DGKG: variants seen among roughly 807,000 people sequenced by gnomAD.
The protein encoded by DGKG is DAG kinase gamma.
DGKG carries 78 observed loss-of-function variants against 105.3 expected under a neutral mutation model. The ratio of observed to expected loss-of-function variants is 0.74; its 90% CI spans 0.62 to 0.89. The LOEUF is 0.89. Ranked by LOEUF, DGKG falls within the 40% of genes least tolerant of loss-of-function variation. The probability of loss-of-function intolerance (pLI) is 0.00; values close to 1 mark genes in which losing one functional copy is unlikely to be tolerated. For missense variants in DGKG, 958 were observed against 1,020.1 expected, an observed-to-expected ratio of 0.94 and a Z score of 0.83; for synonymous variants, 346 against 367.1, an observed-to-expected ratio of 0.94 and a Z score of 0.66.
At chr3:186,257,703 C>A in intron 17 of DGKG, 151 bp downstream of exon 17, 1 of 570,026 alleles carries the variant, frequency 1.8e-6, no homozygotes, top group South Asian at 2.3e-5. Context: ...TTTTTCCACC[C>A]AAAGCAAATA....
chr3:186,307,398 G>A (rs1724299895), intron 2 of DGKG, among the ~76,000 whole-genome samples: 1 of 152,048 alleles, frequency 6.6e-6, no homozygotes, highest in South Asian at 2.1e-4. Context: ...AACATATTGT[G>A]CACTCTCTCA....
At chr3:186,320,370 G>A (rs368533181) in intron 2 of DGKG, 23 bp downstream of exon 2, 3 of 1,613,936 alleles carry the variant, frequency 1.9e-6, no homozygotes, top group Admixed American at 3.3e-5. Context: ...TCCCGTCCCA[G>A]GGCTGTCAAT....
chr3:186,354,731 G>C (rs955619231), intron 1 of DGKG, among the ~76,000 whole-genome samples: 1 of 152,186 alleles, frequency 6.6e-6, no homozygotes, highest in Admixed American at 6.5e-5. Flanking sequence ...ATTCCAAGAG[G>C]AGAAATAGAT....
chr3:186,310,289 A>AAAAAAAAAAAAAAAAAAAAT (rs1724473778), intron 2 of DGKG, among the ~76,000 whole-genome samples: 1 of 136,368 alleles, frequency 7.3e-6, no homozygotes, highest in African/African-American at 2.7e-5. Flanking sequence ...AAAAAAAAAA[A>AAAAAAAAAAAAAAAAAAAAT]CCACACACAC....
intron 22 of DGKG, among the ~76,000 whole-genome samples, chr3:186,177,210 G>A (rs545259555): frequency 5.3e-5 from 8 of 152,140 alleles, no homozygotes; most frequent in South Asian, 2.1e-4. Context: ...TATTGCTCCC[G>A]GCTGAAAAAG....
chr3:186,339,631 G>C (rs116252414), intron 1 of DGKG, among the ~76,000 whole-genome samples: 4 of 152,082 alleles, frequency 2.6e-5, no homozygotes, highest in Non-Finnish European at 5.9e-5. Flanking sequence ...CCAAAATAAT[G>C]AGCCCAGCTT....
At chr3:186,180,813 A>G (rs1323850481) in intron 22 of DGKG, among the ~76,000 whole-genome samples, 1 of 152,244 alleles carries the variant, frequency 6.6e-6, no homozygotes, top group Non-Finnish European at 1.5e-5. Context: ...GCTGAATGGC[A>G]TCCCATTCCC....
chr3:186,275,241 C>A (rs146365318), intron 10 of DGKG, among the ~76,000 whole-genome samples: 151 of 152,208 alleles, frequency 9.9e-4, no homozygotes, highest in African/African-American at 3.5e-3. Flanking sequence ...TAAATATTGA[C>A]TAGAAAACCC....
intron 17 of DGKG, among the ~76,000 whole-genome samples, chr3:186,254,953 G>A (rs1176907619): frequency 6.6e-6 from 1 of 152,116 alleles, no homozygotes; most frequent in Non-Finnish European, 1.5e-5. Context: ...TGCCTCCCAC[G>A]CAACATGTCA....
At chr3:186,152,925 G>A (rs574714888) in intron 24 of DGKG, among the ~76,000 whole-genome samples, 2 of 149,444 alleles carry the variant, frequency 1.3e-5, no homozygotes, top group Non-Finnish European at 3.0e-5. Flanking sequence ...GCCTCCCAAA[G>A]TGCTGGGATT....
At chr3:186,347,306 G>C (rs1478059332) in intron 1 of DGKG, among the ~76,000 whole-genome samples, 1 of 151,834 alleles carries the variant, frequency 6.6e-6, no homozygotes, top group East Asian at 2.0e-4. Context: ...AAATTAGCCA[G>C]GCATGGTGGC....
At chr3:186,169,874 C>A (rs1215945278) in intron 22 of DGKG, among the ~76,000 whole-genome samples, 1 of 152,118 alleles carries the variant, frequency 6.6e-6, no homozygotes, top group Non-Finnish European at 1.5e-5. Flanking sequence ...ATTACTGTGC[C>A]ACAGGGTCTG....
At chr3:186,254,650 C>A (rs565962558) in intron 17 of DGKG, among the ~76,000 whole-genome samples, 3 of 152,284 alleles carry the variant, frequency 2.0e-5, no homozygotes, top group African/African-American at 4.8e-5. Context: ...GATCTCCAAG[C>A]AATCTCTTCT....
At chr3:186,202,068 T>C (rs1024522948) in intron 21 of DGKG, among the ~76,000 whole-genome samples, 1 of 152,334 alleles carries the variant, frequency 6.6e-6, no homozygotes, top group Non-Finnish European at 1.5e-5. Context: ...GAGTACTTAC[T>C]TGTTTTATGA....
chr3:186,159,514 A>G (rs1560075291), intron 24 of DGKG: 1 of 152,148 alleles, frequency 6.6e-6, no homozygotes, highest in Non-Finnish European at 1.5e-5. Flanking sequence ...TGCCATTTGC[A>G]TTTATTGCAT....
chr3:186,156,795 A>G (rs1159306570), intron 24 of DGKG, among the ~76,000 whole-genome samples: 2 of 151,616 alleles, frequency 1.3e-5, no homozygotes, highest in Non-Finnish European at 2.9e-5. Context: ...TGAATTGATT[A>G]TTGCTGGTAT....
At chr3:186,307,020 A>C (rs745361263) in intron 2 of DGKG, 43 bp from the exon 3 acceptor site, 23 of 1,371,828 alleles carry the variant, frequency 1.7e-5, no homozygotes, top group Non-Finnish European at 2.3e-5. Flanking sequence ...GCAAATAGCT[A>C]ATGGAAGCTG....
rs557368475 is a variant in DGKG at position 186,173,397 on chromosome 3, G to A, written c.2096-8379C>T. On this transcript the variant is annotated intron_variant, in intron 22 of 24. Transcript: ENST00000265022. ...AGAAGCTGACAAGCGCTGGGTGTGT[G>A]TGGGAACCTCTTAACCTCCTCAGAA... 1.8e-4 allele frequency among the ~76,000 whole-genome samples: 28 copies of A among 152,378 alleles called. No homozygotes were observed. The South Asian group carries it at 5.6e-3, about 30-fold the overall frequency.
chr3:186,160,221 C>T, intron 24 of DGKG: 2 of 985,314 alleles, frequency 2.0e-6, no homozygotes, highest in Non-Finnish European at 2.4e-6. Flanking sequence ...TGGGTGTGGG[C>T]ATAGGGAGAA....
Sources: allele counts gnomAD v4.1 joint callset (sites outside exome capture counted in the v4.1 genomes callset), GRCh38; gene constraint gnomAD v4.1.1; transcripts MANE v1.5; gene names NCBI Gene and HGNC (gene_info 2026-07-23, HGNC 2026-07-21).